SLAMF6: variants seen among roughly 807,000 people sequenced by gnomAD.
The protein encoded by SLAMF6 is SLAM family member 6.
Under a neutral mutation model 38.3 loss-of-function variants are expected in SLAMF6, and 21 were observed. That is an observed-to-expected ratio of 0.55 (90% CI 0.39 to 0.79). The LOEUF (loss-of-function observed/expected upper bound fraction) is 0.79, where lower values mean the gene tolerates loss of function less well. SLAMF6 is among the 30% of genes least tolerant of loss of function. The probability of loss-of-function intolerance (pLI) is 0.00; values close to 1 mark genes in which losing one functional copy is unlikely to be tolerated. For synonymous variants in SLAMF6, 152 were observed against 146.3 expected (o/e 1.04, Z -0.28); for missense variants, 341 against 385.3 (o/e 0.89, Z 0.96).
At chr1:160,517,038 C>A (rs1654776829) in intron 1 of SLAMF6, among the ~76,000 whole-genome samples, 1 of 152,048 alleles carries the variant, frequency 6.6e-6, no homozygotes, top group African/African-American at 2.4e-5. Flanking sequence ...AGAGCTTCTG[C>A]ATAGCAGAAG....
Position 160,491,297 on chromosome 1 carries a change from T to G in SLAMF6, c.474A>C (p.Ala158=). Residue 158 remains alanine, a synonymous_variant, in exon 3 of 8, where the codon GCA becomes GCC. Coordinates refer to ENST00000368057, the MANE Select transcript of SLAMF6 (RefSeq NM_001184714.2). ...ELHLTCSVED[A]DDNVSFRWEA... ...CCCATCTGAATGAGACATTGTCATCTGCATCCTCCACAGAGCAAGTCAGAT... is the reference window on the plus strand; with the variant it reads ...CCCATCTGAATGAGACATTGTCATCGGCATCCTCCACAGAGCAAGTCAGAT... 1 of 1,614,106 alleles carries G rather than the reference T, an allele frequency of 6.2e-7. No individual in the cohort carries two copies.
chr1:160,499,777 C>T (rs1316887350), intron 1 of SLAMF6, among the ~76,000 whole-genome samples: 1 of 152,194 alleles, frequency 6.6e-6, no homozygotes, highest in Non-Finnish European at 1.5e-5. Flanking sequence ...AGTCCTAGTG[C>T]TCAGCTCCTG....
Position 160,496,188 on chromosome 1 carries a change from T to A in SLAMF6, c.255A>T (p.Arg85=), listed in dbSNP as rs1653567361. The change falls in exon 2 of 8, where the codon CGA becomes CGT. Residue 85 remains arginine (R), a synonymous_variant. Coordinates refer to ENST00000368057, the MANE Select transcript of SLAMF6 (RefSeq NM_001184714.2). ...IHVTNPKQGK[R]LNFTQSYSLQ... ...GGGAGTAGGACTGGGTGAAGTTCAG[T>A]CGCTTTCCCTGTTTCGGATTAGTCA... 6.2e-7 allele frequency: 1 copy of A among 1,613,842 alleles called. No individual in the cohort carries two copies. Among genetic ancestry groups the A allele is most frequent in the Non-Finnish European group, 8.5e-7 (1 of 1,179,930 alleles).
intron 1 of SLAMF6, among the ~76,000 whole-genome samples, chr1:160,517,926 C>T (rs559212073): frequency 2.6e-5 from 4 of 151,946 alleles, no homozygotes; most frequent in Non-Finnish European, 2.9e-5. Context: ...CTAGGTGATG[C>T]GTTGGTAGGT....
chr1:160,503,659 T>C (rs1039024162), intron 1 of SLAMF6, among the ~76,000 whole-genome samples: 3 of 151,964 alleles, frequency 2.0e-5, no homozygotes, highest in African/African-American at 7.3e-5. Context: ...GCACAATAAA[T>C]AACTGCAAGG....
intron 2 of SLAMF6, among the ~76,000 whole-genome samples, chr1:160,495,368 A>G (rs907826779): frequency 1.3e-5 from 2 of 152,204 alleles, no homozygotes; most frequent in African/African-American, 4.8e-5. Flanking sequence ...CTCATAAGAA[A>G]TCTCATTATA....
chr1:160,506,729 T>A (rs1017932284), intron 1 of SLAMF6, among the ~76,000 whole-genome samples: 4 of 152,188 alleles, frequency 2.6e-5, no homozygotes, highest in Non-Finnish European at 5.9e-5. Flanking sequence ...TGAGCACACA[T>A]GCACAAAGAT....
intron 2 of SLAMF6, among the ~76,000 whole-genome samples, chr1:160,493,717 A>G (rs1653421119): frequency 6.6e-6 from 1 of 152,196 alleles, no homozygotes; most frequent in Non-Finnish European, 1.5e-5. Flanking sequence ...CTATAAAGAT[A>G]CTACTCAAGA....
At chr1:160,517,771 C>T (rs1003904448) in intron 1 of SLAMF6, among the ~76,000 whole-genome samples, 3 of 152,112 alleles carry the variant, frequency 2.0e-5, no homozygotes, top group African/African-American at 4.8e-5. Flanking sequence ...CCAAACACTG[C>T]ATGTTCTCAC....
chr1:160,523,029 C>A (rs573937161), intron 1 of SLAMF6, 115 bp downstream of exon 1: 14 of 1,122,406 alleles, frequency 1.2e-5, no homozygotes, highest in Non-Finnish European at 1.8e-5. Context: ...TCCCCTTTCC[C>A]GCCCCAATCC....
intron 2 of SLAMF6, among the ~76,000 whole-genome samples, chr1:160,492,743 CT>C (rs1322826323): frequency 6.6e-6 from 1 of 152,230 alleles, no homozygotes; most frequent in Admixed American, 6.5e-5. Flanking sequence ...TTTTACCCAT[CT>C]GACTTGTTGA....
At chr1:160,489,415 G>A (rs531641203) in intron 5 of SLAMF6, among the ~76,000 whole-genome samples, 27 of 152,152 alleles carry the variant, frequency 1.8e-4, no homozygotes, top group Middle Eastern at 3.2e-3. Context: ...AAGCTTCAGA[G>A]TCTCCCTCAG....
At chr1:160,518,363 C>G (rs1654838830) in intron 1 of SLAMF6, among the ~76,000 whole-genome samples, 1 of 152,288 alleles carries the variant, frequency 6.6e-6, no homozygotes, top group East Asian at 1.9e-4. Context: ...CCTCAAAGAC[C>G]TAGAGGCAGA....
chr1:160,508,417 C>T (rs1368869478), intron 1 of SLAMF6, among the ~76,000 whole-genome samples: 4 of 152,100 alleles, frequency 2.6e-5, no homozygotes, highest in African/African-American at 7.2e-5. Flanking sequence ...GAAAGGACTC[C>T]CTATTTAATA....
chr1:160,517,517 G>A (rs1008143152), intron 1 of SLAMF6, among the ~76,000 whole-genome samples: 1 of 152,110 alleles, frequency 6.6e-6, no homozygotes, highest in African/African-American at 2.4e-5. Context: ...ATACCCAAAG[G>A]AATATAAATC....
chr1:160,488,590 GC>G, intron 6 of SLAMF6, among the ~76,000 whole-genome samples: 1 of 152,192 alleles, frequency 6.6e-6, no homozygotes, highest in African/African-American at 2.4e-5. Context: ...GTGAACCATT[GC>G]TCATGGTTTA....
chr1:160,491,058 G>A (rs780217855), intron 3 of SLAMF6, 67 bp downstream of exon 3: 45 of 1,579,584 alleles, frequency 2.8e-5, no homozygotes, highest in Admixed American at 2.4e-4. Context: ...TGGAAATTAC[G>A]TAGGATGTGA....
chr1:160,486,607 G>A lies in SLAMF6; in HGVS notation c.*100C>T. The stretch of plus-strand genomic sequence containing the variant: ...ATCCTATCCTAGATATTCAAATTCT[G>A]TTGCCAGGAACAACAGGAACCAAGC... On this transcript the variant is annotated 3_prime_UTR_variant, in exon 8 of 8. Transcript: ENST00000368057. 1 of 1,270,124 alleles carries A rather than the reference G, an allele frequency of 7.9e-7. No individual in the cohort carries two copies. Among genetic ancestry groups the A allele is most frequent in the South Asian group, 1.2e-5 (1 of 81,774 alleles). 78.7% of individuals were successfully genotyped at this position (1,270,124 alleles called of 1,614,324 possible).
intron 1 of SLAMF6, among the ~76,000 whole-genome samples, chr1:160,516,283 T>A (rs553174260): frequency 9.7e-4 from 148 of 152,196 alleles, no homozygotes; most frequent in African/African-American, 3.5e-3. Flanking sequence ...TACTTAGGAA[T>A]ACAGCTAACA....
Sources: gnomAD v4.1 joint callset for allele counts (sites outside exome capture counted in the v4.1 genomes callset) on GRCh38, gnomAD v4.1.1 for gene constraint, MANE v1.5 for transcripts, NCBI Gene and HGNC (gene_info 2026-07-23, HGNC 2026-07-21) for gene names.